Variants in CNTNAP5 observed in about 807,000 individuals in gnomAD.
The protein encoded by CNTNAP5 is contactin-associated protein-like 5.
CNTNAP5 carries 72 observed loss-of-function variants against 150.2 expected under a neutral mutation model. The observed-to-expected ratio is 0.48, with a 90% CI of 0.40 to 0.58. The LOEUF (loss-of-function observed/expected upper bound fraction) is 0.58, where lower values mean the gene tolerates loss of function less well. Ranked by LOEUF, CNTNAP5 falls within the 20% of genes least tolerant of loss-of-function variation. The pLI, the probability that CNTNAP5 is intolerant of heterozygous loss-of-function variation, is 0.00. For missense variants in CNTNAP5, 1,636 were observed against 1,626.2 expected, an observed-to-expected ratio of 1.01 and a Z score of -0.10; for synonymous variants, 672 against 619.8, an observed-to-expected ratio of 1.08 and a Z score of -1.25.
At chr2:124,053,119 C>A (rs1032360615) in intron 1 of CNTNAP5, among the ~76,000 whole-genome samples, 1 of 150,622 alleles carries the variant, frequency 6.6e-6, no homozygotes, top group Admixed American at 6.7e-5. Flanking sequence ...TCAGCAAATG[C>A]CCAATAAATG....
At chr2:124,271,061 T>C (rs1321811461) in intron 3 of CNTNAP5, among the ~76,000 whole-genome samples, 2 of 151,992 alleles carry the variant, frequency 1.3e-5, no homozygotes, top group Admixed American at 6.6e-5. Flanking sequence ...CCTGTCCCTG[T>C]GGTCGTGAGC....
chr2:124,483,906 G>A (rs555242162), intron 7 of CNTNAP5, among the ~76,000 whole-genome samples: 5 of 152,278 alleles, frequency 3.3e-5, no homozygotes, highest in South Asian at 2.1e-4. Context: ...CCTGGCCACC[G>A]TTTGACAGCC....
At chr2:124,752,819 C>T (rs549346080) in intron 14 of CNTNAP5, among the ~76,000 whole-genome samples, 22 of 152,012 alleles carry the variant, frequency 1.4e-4, no homozygotes, top group Non-Finnish European at 2.2e-4. Context: ...GGGTTGCAGA[C>T]CCTGGAGACA....
intron 3 of CNTNAP5, among the ~76,000 whole-genome samples, chr2:124,388,322 T>C (rs1024744931): frequency 6.6e-6 from 1 of 151,994 alleles, no homozygotes; most frequent in African/African-American, 2.4e-5. Context: ...GTGGCAGCAG[T>C]CATTGAAGCT....
At chr2:124,904,127 A>G (rs1678479291) in intron 22 of CNTNAP5, among the ~76,000 whole-genome samples, 1 of 150,476 alleles carries the variant, frequency 6.6e-6, no homozygotes, top group Admixed American at 6.6e-5. Context: ...TTAACCAACA[A>G]CTCTCCATTT....
intron 14 of CNTNAP5, among the ~76,000 whole-genome samples, chr2:124,761,595 C>T (rs1355934692): frequency 6.6e-6 from 1 of 152,082 alleles, no homozygotes; most frequent in East Asian, 1.9e-4. Flanking sequence ...ATACTTATCT[C>T]TCTTTCCCCC....
intron 3 of CNTNAP5, among the ~76,000 whole-genome samples, chr2:124,270,177 C>T (rs1045962520): frequency 5.9e-5 from 9 of 151,728 alleles, no homozygotes; most frequent in Non-Finnish European, 5.9e-5. Flanking sequence ...TACCCGGGCA[C>T]GATGGCCTGT....
chr2:124,702,166 G>A (rs759245824), intron 13 of CNTNAP5, among the ~76,000 whole-genome samples: 5 of 151,556 alleles, frequency 3.3e-5, no homozygotes, highest in African/African-American at 9.7e-5. Context: ...CAGGGCTAGC[G>A]GAAAAAGAAT....
chr2:124,203,469 C>T (rs925169511), intron 1 of CNTNAP5, among the ~76,000 whole-genome samples: 1 of 152,176 alleles, frequency 6.6e-6, no homozygotes, highest in African/African-American at 2.4e-5. Context: ...CTAGGAAGTG[C>T]CCCAGTGGGC....
At chr2:124,497,531 A>G (rs1430145400) in intron 7 of CNTNAP5, among the ~76,000 whole-genome samples, 1 of 152,238 alleles carries the variant, frequency 6.6e-6, no homozygotes, top group Non-Finnish European at 1.5e-5. Context: ...TTTCATGTAC[A>G]TCAATGACCT....
chr2:124,611,423 A>G (rs1677382617), intron 12 of CNTNAP5, among the ~76,000 whole-genome samples: 1 of 152,202 alleles, frequency 6.6e-6, no homozygotes, highest in Admixed American at 6.5e-5. Flanking sequence ...CATTTCCGTA[A>G]TAACTTTCTT....
intron 17 of CNTNAP5, among the ~76,000 whole-genome samples, chr2:124,776,507 G>A (rs1573609922): frequency 6.6e-6 from 1 of 152,288 alleles, no homozygotes; most frequent in East Asian, 1.9e-4. Context: ...AAGCCAGGCA[G>A]GCTTGGCGTG....
chr2:124,697,108 A>G (rs1035666648), intron 13 of CNTNAP5, among the ~76,000 whole-genome samples: 7 of 152,006 alleles, frequency 4.6e-5, no homozygotes, highest in Non-Finnish European at 8.8e-5. Context: ...AAAAATCTTT[A>G]TTTGTTTTAG....
At chr2:124,271,658 AATCT>A (rs147548369) in intron 3 of CNTNAP5, among the ~76,000 whole-genome samples, 2,180 of 141,490 alleles carry the variant, frequency 0.015, 41 homozygotes, top group African/African-American at 0.05. Context: ...GTTTTTTTTT[AATCT>A]ATCTATCTAT....
At chr2:124,097,800 G>A (rs1039940262) in intron 1 of CNTNAP5, among the ~76,000 whole-genome samples, 6 of 152,246 alleles carry the variant, frequency 3.9e-5, no homozygotes, top group Middle Eastern at 3.4e-3. Context: ...CGGCCGAGGC[G>A]GGAGGATCAC....
chr2:124,498,168 T>C (rs982633849), intron 7 of CNTNAP5, among the ~76,000 whole-genome samples: 4 of 152,206 alleles, frequency 2.6e-5, no homozygotes, highest in African/African-American at 9.6e-5. Flanking sequence ...ATGGCCTGAA[T>C]ACGTCTTCAA....
At chr2:124,079,195 GC>G (rs753006705) in intron 1 of CNTNAP5, among the ~76,000 whole-genome samples, 45 of 152,288 alleles carry the variant, frequency 3.0e-4, no homozygotes, top group Middle Eastern at 6.8e-3. Flanking sequence ...AGTGTAATAG[GC>G]AGAAAATTTG....
intron 19 of CNTNAP5, among the ~76,000 whole-genome samples, chr2:124,853,828 G>A (rs1046796269): frequency 1.3e-5 from 2 of 151,878 alleles, no homozygotes; most frequent in African/African-American, 2.4e-5. Flanking sequence ...CCTCACGTAG[G>A]CCCTGGCATC....
intron 19 of CNTNAP5, among the ~76,000 whole-genome samples, chr2:124,841,873 C>T (rs760920205): frequency 2.6e-5 from 4 of 152,136 alleles, no homozygotes; most frequent in Admixed American, 6.6e-5. Flanking sequence ...TTTCAACCAA[C>T]CAGGTAACAA....
Sources: gnomAD v4.1 joint callset for allele counts (sites outside exome capture counted in the v4.1 genomes callset) on GRCh38, gnomAD v4.1.1 for gene constraint, MANE v1.5 for transcripts, NCBI Gene and HGNC (gene_info 2026-07-23, HGNC 2026-07-21) for gene names.